NKAIN3: variants seen among roughly 807,000 people sequenced by gnomAD.
The protein encoded by NKAIN3 is sodium/potassium-transporting ATPase subunit beta-1-interacting protein 3.
In NKAIN3, 25 loss-of-function variants were observed where a neutral mutation model predicts 30.2. The observed-to-expected ratio is 0.83, with a 90% confidence interval of 0.60 to 1.16. The LOEUF (loss-of-function observed/expected upper bound fraction) is 1.16. Among genes scored for constraint, NKAIN3 ranks in the 50% most tolerant of loss-of-function variants. The pLI, the probability that NKAIN3 is intolerant of heterozygous loss-of-function variation, is 0.00. For missense variants in NKAIN3, 225 were observed against 254.1 expected (o/e 0.89, Z 0.78); for synonymous variants, 91 against 89.6 (o/e 1.02, Z -0.09).
chr8:62,796,215 C>T (rs1817855958), intron 4 of NKAIN3, among the ~76,000 whole-genome samples: 2 of 151,606 alleles, frequency 1.3e-5, no homozygotes, highest in Admixed American at 1.3e-4. Flanking sequence ...GAAACCCCAT[C>T]TCTACTAAAA....
intron 1 of NKAIN3, among the ~76,000 whole-genome samples, chr8:62,458,013 A>G (rs1329810919): frequency 1.3e-5 from 2 of 152,158 alleles, no homozygotes; most frequent in Non-Finnish European, 2.9e-5. Flanking sequence ...TAGGCCCTCG[A>G]CGGGACTGGT....
At chr8:62,990,490 C>A in intron 5 of NKAIN3, 1 of 523,516 alleles carries the variant, frequency 1.9e-6, no homozygotes, top group Non-Finnish European at 2.6e-6. Context: ...ATTATCTTAG[C>A]ATCTTACCTG....
intron 4 of NKAIN3, among the ~76,000 whole-genome samples, chr8:62,802,082 G>A (rs989736817): frequency 2.0e-5 from 3 of 151,980 alleles, no homozygotes; most frequent in African/African-American, 7.2e-5. Flanking sequence ...AAGAATAAAA[G>A]GAAATGAACA....
intron 4 of NKAIN3, among the ~76,000 whole-genome samples, chr8:62,872,828 T>C (rs942094262): frequency 6.6e-6 from 1 of 152,124 alleles, no homozygotes; most frequent in Non-Finnish European, 1.5e-5. Context: ...AGGGATTTCA[T>C]TACCACCAGG....
At chr8:62,484,194 C>T (rs1474163324) in intron 1 of NKAIN3, among the ~76,000 whole-genome samples, 1 of 152,152 alleles carries the variant, frequency 6.6e-6, no homozygotes, top group Admixed American at 6.5e-5. Flanking sequence ...GGACTCATCT[C>T]TTGTCACCTC....
chr8:62,985,283 G>T (rs1398958593), downstream of NKAIN3, among the ~76,000 whole-genome samples: 3 of 152,186 alleles, frequency 2.0e-5, no homozygotes, highest in Non-Finnish European at 4.4e-5. Context: ...CACAAGCAAA[G>T]TTGAAACAAA....
rs1449263981 is a variant in NKAIN3, at chr8:62,330,145, G to A, written c.54+81018G>A. On this transcript the variant is annotated intron_variant, in intron 1 of 6. Coordinates refer to ENST00000623646, the MANE Select transcript of NKAIN3 (RefSeq NM_001304533.3). ...GATAGAAGAGAAAGGGTGAGCCAAG[G>A]TTGAGGTTAGGGAGAGGTGAGTACA... 4.6e-5 allele frequency among the ~76,000 whole-genome samples: 7 copies of A among 152,180 alleles called. No individual in the cohort carries two copies. In the East Asian group the frequency reaches 1.4e-3, roughly 30 times the overall value.
chr8:62,345,280 C>T (rs115244957), intron 1 of NKAIN3, among the ~76,000 whole-genome samples: 4,931 of 137,300 alleles, frequency 0.036, 400 homozygotes, highest in African/African-American at 0.13. Context: ...CACACATATA[C>T]ACGCACATAT....
At chr8:62,430,545 G>A (rs947612284) in intron 1 of NKAIN3, among the ~76,000 whole-genome samples, 1 of 151,564 alleles carries the variant, frequency 6.6e-6, no homozygotes, top group Non-Finnish European at 1.5e-5. Context: ...TATACCATTT[G>A]CATTCTCACC....
intron 3 of NKAIN3, among the ~76,000 whole-genome samples, chr8:62,616,569 C>G (rs941036391): frequency 2.0e-5 from 3 of 152,122 alleles, no homozygotes; most frequent in African/African-American, 7.2e-5. Flanking sequence ...TTGTTCCAAC[C>G]CAGAAGCTTC....
intron 4 of NKAIN3, among the ~76,000 whole-genome samples, chr8:62,866,533 T>C (rs1270922138): frequency 1.3e-5 from 2 of 152,218 alleles, no homozygotes; most frequent in Non-Finnish European, 2.9e-5. Context: ...CAGGTGGCAA[T>C]ACAATTTTAG....
intron 1 of NKAIN3, among the ~76,000 whole-genome samples, chr8:62,548,573 G>GA (rs1249093295): frequency 1.3e-5 from 2 of 151,526 alleles, no homozygotes; most frequent in East Asian, 1.9e-4. Flanking sequence ...AATGTTAGTG[G>GA]AAAAAAAATC....
chr8:62,289,524 G>C (rs1169891862), intron 1 of NKAIN3, among the ~76,000 whole-genome samples: 3 of 152,030 alleles, frequency 2.0e-5, no homozygotes, highest in South Asian at 2.1e-4. Context: ...TCTTGTTTTT[G>C]TCAGGTTTGT....
chr8:62,692,601 T>C (rs80058381), intron 3 of NKAIN3, among the ~76,000 whole-genome samples: 1 of 152,094 alleles, frequency 6.6e-6, no homozygotes, highest in Non-Finnish European at 1.5e-5. Flanking sequence ...GATCCCCATT[T>C]CTTATTCTGG....
intron 3 of NKAIN3, among the ~76,000 whole-genome samples, chr8:62,713,011 G>A (rs1814771089): frequency 6.6e-6 from 1 of 152,230 alleles, no homozygotes; most frequent in Admixed American, 6.5e-5. Context: ...TCCAGTGGGA[G>A]TGTGTGTTCG....
At chr8:62,807,398 T>G (rs1013773470) in intron 4 of NKAIN3, among the ~76,000 whole-genome samples, 1 of 152,260 alleles carries the variant, frequency 6.6e-6, no homozygotes, top group East Asian at 1.9e-4. Flanking sequence ...TTTTAAATTT[T>G]TGTGTGTCTA....
intron 1 of NKAIN3, among the ~76,000 whole-genome samples, chr8:62,550,435 AGTT>A (rs1285842067): frequency 6.6e-6 from 1 of 152,100 alleles, no homozygotes; most frequent in Admixed American, 6.6e-5. Context: ...TGGGGGAGGG[AGTT>A]GTTGTTTTCA....
intron 4 of NKAIN3, among the ~76,000 whole-genome samples, chr8:62,765,400 G>A (rs1816806686): frequency 6.6e-6 from 1 of 152,226 alleles, no homozygotes; most frequent in South Asian, 2.1e-4. Context: ...TTCTCAACCT[G>A]GCTAGTACTT....
intron 4 of NKAIN3, among the ~76,000 whole-genome samples, chr8:62,912,472 A>C (rs1263212545): frequency 6.6e-6 from 1 of 152,244 alleles, no homozygotes; most frequent in Non-Finnish European, 1.5e-5. Flanking sequence ...CTTTTAAAGA[A>C]CCTTTTGACT....
Sources: allele counts gnomAD v4.1 joint callset (sites outside exome capture counted in the v4.1 genomes callset), GRCh38; gene constraint gnomAD v4.1.1; transcripts MANE v1.5; gene names NCBI Gene and HGNC (gene_info 2026-07-23, HGNC 2026-07-21).